The following BLOC1S5 variants were observed in gnomAD, a reference collection of about 807,000 sequenced individuals.
The protein encoded by BLOC1S5 is biogenesis of lysosomal organelles complex 1 subunit 5, also known as biogenesis of lysosome-related organelles complex 1 subunit 5.
A neutral mutation model predicts 24.3 loss-of-function variants in BLOC1S5; 27 were observed. That is an observed-to-expected ratio of 1.11 (90% confidence interval 0.82 to 1.53). The LOEUF is 1.53. Among genes scored for constraint, BLOC1S5 ranks in the 40% most tolerant of loss-of-function variants. The pLI, the probability that BLOC1S5 is intolerant of heterozygous loss-of-function variation, is 0.00. For missense variants in BLOC1S5, 239 were observed against 229.4 expected, an observed-to-expected ratio of 1.04 and a Z score of -0.27; for synonymous variants, 84 against 74.5, an observed-to-expected ratio of 1.13 and a Z score of -0.66.
chr6:8,036,286 A>G (rs1484580691), intron 3 of BLOC1S5, among the ~76,000 whole-genome samples: 1 of 151,706 alleles, frequency 6.6e-6, no homozygotes, highest in Non-Finnish European at 1.5e-5. Flanking sequence ...CTTCAAATAA[A>G]CAACCTAACA....
chr6:8,014,251 A>C lies in BLOC1S5; in HGVS notation c.*1398T>G, dbSNP rs1394427600. 6.6e-6 allele frequency: 1 copy of C among 152,122 alleles called. No individual in the cohort carries two copies. Among genetic ancestry groups the C allele is most frequent in the African/African-American group, 2.4e-5 (1 of 41,412 alleles). 9.4% of individuals were successfully genotyped at this position (152,122 alleles called of 1,614,324 possible). On this transcript the variant is annotated 3_prime_UTR_variant, in exon 5 of 5. Transcript: ENST00000397457. ...TACTTTTGCTTGGTTTATGGCAAAT[A>C]AAAAATCAACTTAGTTCTTCAGTTA...
intron 2 of BLOC1S5, among the ~76,000 whole-genome samples, chr6:8,045,626 A>G (rs1378283282): frequency 1.3e-5 from 2 of 152,210 alleles, no homozygotes; most frequent in African/African-American, 4.8e-5. Flanking sequence ...GGAGCCTCCC[A>G]AGACCATAGG....
chr6:8,047,062 G>A (rs143753974), intron 2 of BLOC1S5, among the ~76,000 whole-genome samples: 33 of 151,740 alleles, frequency 2.2e-4, no homozygotes, highest in African/African-American at 3.4e-4. Context: ...GGAATTACAC[G>A]CATGAGCCAC....
At chr6:8,016,340 T>A (rs1762734878) in intron 4 of BLOC1S5, among the ~76,000 whole-genome samples, 2 of 143,172 alleles carry the variant, frequency 1.4e-5, no homozygotes, top group South Asian at 2.2e-4. Context: ...AAAAAAAAAT[T>A]TTTTTTAAAG....
chr6:8,055,243 G>A (rs1307948713), intron 2 of BLOC1S5, among the ~76,000 whole-genome samples: 2 of 152,182 alleles, frequency 1.3e-5, no homozygotes, highest in East Asian at 3.9e-4. Flanking sequence ...AGACCAGCCT[G>A]GCCAACGTGG....
At chr6:8,030,535 C>T (rs983822240) in intron 3 of BLOC1S5, among the ~76,000 whole-genome samples, 3 of 151,710 alleles carry the variant, frequency 2.0e-5, no homozygotes, top group African/African-American at 7.3e-5. Flanking sequence ...AAATCCATTA[C>T]AGACTCTCAA....
At chr6:8,059,969 T>C (rs1465793859) in intron 2 of BLOC1S5, among the ~76,000 whole-genome samples, 1 of 152,376 alleles carries the variant, frequency 6.6e-6, no homozygotes, top group African/African-American at 2.4e-5. Context: ...TTCCTGATAT[T>C]ATGCCTCACA....
At chr6:8,046,431 A>C (rs2206097) in intron 2 of BLOC1S5, among the ~76,000 whole-genome samples, 4,839 of 152,300 alleles carry the variant, frequency 0.032, 241 homozygotes, top group African/African-American at 0.1. Flanking sequence ...CTAAAATTAA[A>C]ATAAGAAGTT....
rs555293728 is a variant in BLOC1S5, at chr6:8,013,660, C to T, written c.*1989G>A. 1.7e-4 allele frequency: 26 copies of T among 152,236 alleles called. No homozygotes were observed. Among genetic ancestry groups the T allele is most frequent in the Admixed American group, 1.2e-3 (18 of 15,292 alleles). The allele number at this position is 152,236 out of a possible 1,614,324, so 9.4% of individuals were successfully genotyped here. A position where few individuals can be genotyped will look rare whatever the true frequency, so the allele number is the denominator to read the frequency against. On this transcript the variant is annotated 3_prime_UTR_variant, in exon 5 of 5. Transcript: ENST00000397457. The stretch of plus-strand genomic sequence containing the variant: ...GGTAGCCACAGTTAAGAATATATTC[C>T]CTTCACACACACAATCTTAATTTCT...
rs1762665433 is a variant in BLOC1S5 at position 8,014,196 on chromosome 6, G to C, written c.*1453C>G. The C allele has an allele frequency of 6.6e-6, 1 of 152,060 alleles. No individual in the cohort carries two copies. The highest frequency in any genetic ancestry group is 2.4e-5 in the African/African-American group (1 of 41,396). 9.4% of individuals were successfully genotyped at this position (152,060 alleles called of 1,614,324 possible). A position where few individuals can be genotyped will look rare whatever the true frequency, so the allele number is the denominator to read the frequency against. ...AAAGATTTATCCATACCTCAAATTTGTTTACCATAAATCTCGAAATTATTG... is the reference window on the plus strand; with the variant it reads ...AAAGATTTATCCATACCTCAAATTTCTTTACCATAAATCTCGAAATTATTG... On this transcript the variant is annotated 3_prime_UTR_variant, in exon 5 of 5. Coordinates refer to ENST00000397457, the MANE Select transcript of BLOC1S5 (RefSeq NM_201280.3).
intron 3 of BLOC1S5, among the ~76,000 whole-genome samples, chr6:8,032,566 C>T (rs1398724007): frequency 6.6e-6 from 1 of 152,128 alleles, no homozygotes; most frequent in South Asian, 2.1e-4. Context: ...AAAACGGGCA[C>T]AAGACAAGGA....
At chr6:8,042,701 ATTC>A (rs1249107723) in intron 2 of BLOC1S5, among the ~76,000 whole-genome samples, 1 of 152,224 alleles carries the variant, frequency 6.6e-6, no homozygotes, top group Non-Finnish European at 1.5e-5. Flanking sequence ...GCCCAACACA[ATTC>A]TTCTTCTTCC....
intron 2 of BLOC1S5, among the ~76,000 whole-genome samples, chr6:8,060,888 G>A (rs1313472948): frequency 1.3e-5 from 2 of 152,164 alleles, no homozygotes; most frequent in South Asian, 2.1e-4. Flanking sequence ...GCAATGGCGC[G>A]TTCTCGGCTC....
intron 3 of BLOC1S5, among the ~76,000 whole-genome samples, chr6:8,037,390 A>T (rs1763523254): frequency 6.6e-6 from 1 of 152,228 alleles, no homozygotes; most frequent in South Asian, 2.1e-4. Flanking sequence ...TACAAAGAAC[A>T]TAAAATACCT....
At chr6:8,057,803 T>C (rs1764367735) in intron 2 of BLOC1S5, among the ~76,000 whole-genome samples, 1 of 152,216 alleles carries the variant, frequency 6.6e-6, no homozygotes, top group Admixed American at 6.5e-5. Flanking sequence ...AATACTTTTC[T>C]TTTTGTCTCT....
At chr6:8,045,544 A>G (rs555197067) in intron 2 of BLOC1S5, among the ~76,000 whole-genome samples, 4 of 152,240 alleles carry the variant, frequency 2.6e-5, no homozygotes, top group Admixed American at 6.5e-5. Context: ...CACCTGGAAA[A>G]GCCACAGACA....
At chr6:8,056,070 CT>C (rs1287311326) in intron 2 of BLOC1S5, among the ~76,000 whole-genome samples, 1 of 152,136 alleles carries the variant, frequency 6.6e-6, no homozygotes, top group Non-Finnish European at 1.5e-5. Flanking sequence ...CTTTTCTTAC[CT>C]TCTGCCTCCC....
At chr6:8,035,610 C>G (rs931309581) in intron 3 of BLOC1S5, among the ~76,000 whole-genome samples, 1 of 152,060 alleles carries the variant, frequency 6.6e-6, no homozygotes, top group East Asian at 1.9e-4. Context: ...ATAAAACAGA[C>G]TACAAATCAA....
intron 2 of BLOC1S5, among the ~76,000 whole-genome samples, chr6:8,041,655 C>CTTTTCTTT (rs1763692408): frequency 8.9e-6 from 1 of 111,870 alleles, no homozygotes; most frequent in Non-Finnish European, 1.8e-5. Flanking sequence ...TTCTTTCTTT[C>CTTTTCTTT]TTTTTTTTTG....
Sources: gnomAD v4.1 joint callset for allele counts (sites outside exome capture counted in the v4.1 genomes callset) on GRCh38, gnomAD v4.1.1 for gene constraint, MANE v1.5 for transcripts, NCBI Gene and HGNC (gene_info 2026-07-23, HGNC 2026-07-21) for gene names.